Variants in ARHGAP23 observed in about 807,000 individuals in gnomAD.
ARHGAP23 encodes rho GTPase-activating protein 23.
In ARHGAP23, 34 loss-of-function variants were observed where a neutral mutation model predicts 136.3. The observed-to-expected ratio is 0.25, with a 90% CI of 0.19 to 0.33. ARHGAP23 has a LOEUF of 0.33. Among genes scored for constraint, ARHGAP23 ranks in the 10% least tolerant of loss-of-function variants. ARHGAP23 has a pLI of 1.00. For synonymous variants in ARHGAP23, 832 were observed against 920.5 expected (o/e 0.90, Z 1.74); for missense variants, 1,808 against 2,139.0 (o/e 0.85, Z 3.05).
intron 14 of ARHGAP23, 133 bp downstream of exon 14, chr17:38,480,016 G>A: frequency 7.7e-7 from 1 of 1,305,198 alleles, no homozygotes; most frequent in South Asian, 1.4e-5. Context: ...CGGTATGTCT[G>A]TCTGCGTGTG....
intron 23 of ARHGAP23, among the ~76,000 whole-genome samples, chr17:38,508,982 A>C (rs1017608179): frequency 7.1e-6 from 1 of 140,852 alleles, no homozygotes; most frequent in Non-Finnish European, 1.5e-5. Flanking sequence ...CAGAGAAGGC[A>C]AAGGGGCCAA....
chr17:38,484,027 C>A (rs2040106444), intron 16 of ARHGAP23, among the ~76,000 whole-genome samples: 1 of 152,140 alleles, frequency 6.6e-6, no homozygotes, highest in Non-Finnish European at 1.5e-5. Flanking sequence ...CAGTAGGGAG[C>A]TTCTGATGGT....
intron 13 of ARHGAP23, 123 bp downstream of exon 13, chr17:38,479,620 T>C: frequency 7.0e-7 from 1 of 1,419,976 alleles, no homozygotes; most frequent in Non-Finnish European, 9.6e-7. Flanking sequence ...ATCCAGGGTC[T>C]CCAGGCTGCA....
At chr17:38,489,853 T>C in intron 17 of ARHGAP23, 1 of 497,654 alleles carries the variant, frequency 2.0e-6, no homozygotes, top group Non-Finnish European at 3.7e-6. Context: ...GCTCAGATGG[T>C]ATTGCCTCCC....
chr17:38,474,244 C>A (rs865865763), intron 11 of ARHGAP23, among the ~76,000 whole-genome samples: 1 of 152,168 alleles, frequency 6.6e-6, no homozygotes, highest in East Asian at 1.9e-4. Context: ...TAAATGTGGG[C>A]TGGGGATGGC....
Position 38,475,284 on chromosome 17 carries a change from A to G in ARHGAP23, c.2119-2295A>G, listed in dbSNP as rs545972218. On this transcript the variant is annotated intron_variant, in intron 11 of 23. Coordinates refer to ENST00000622683, the MANE Select transcript of ARHGAP23 (RefSeq NM_001199417.2). ...CAGCCCCAGCATGGGAGCTGCATGC[A>G]GCCTTGGTGACCAACTCTCTCACTC... Among the ~76,000 whole-genome samples, 4 of 152,366 alleles carry G rather than the reference A, an allele frequency of 2.6e-5. No homozygotes were observed. The South Asian group carries it at 8.3e-4, about 32-fold the overall frequency.
At chr17:38,492,578 G>T (rs886105285) in intron 20 of ARHGAP23, among the ~76,000 whole-genome samples, 1 of 152,218 alleles carries the variant, frequency 6.6e-6, no homozygotes, top group Non-Finnish European at 1.5e-5. Context: ...CCAAAGGCCA[G>T]ACTCCTGGGT....
upstream of ARHGAP23, among the ~76,000 whole-genome samples, chr17:38,423,617 C>A (rs1011949747): frequency 9.9e-5 from 15 of 152,126 alleles, no homozygotes; most frequent in African/African-American, 3.6e-4. Context: ...AAGTGATCTG[C>A]CCTCCTCAGC....
intron 1 of ARHGAP23, among the ~76,000 whole-genome samples, chr17:38,428,996 G>A (rs1031050208): frequency 8.5e-5 from 13 of 152,282 alleles, no homozygotes; most frequent in Non-Finnish European, 1.8e-4. Flanking sequence ...GGTTCCCGGA[G>A]CGGGACGTCC....
chr17:38,475,790 C>G (rs1029470204), intron 11 of ARHGAP23, among the ~76,000 whole-genome samples: 1 of 152,168 alleles, frequency 6.6e-6, no homozygotes, highest in African/African-American at 2.4e-5. Context: ...GTCCCCAGGA[C>G]AGCCTGAGGC....
rs1011115841 is a variant in ARHGAP23 at position 38,467,183 on chromosome 17, G to A, written c.1500G>A (p.Lys500=). The stretch of plus-strand genomic sequence containing the variant: ...GGCAGAAGCCCCCGACGGGCCGCAA[G>A]GTTCAGCTGACCCCCGCAAGACAGA... The part of the protein sequence containing the change: ...VLRQKPPTGR[K]VQLTPARQMN... The change falls in exon 7 of 24, where the codon AAG becomes AAA. Residue 500 remains lysine, a synonymous_variant. Coordinates refer to ENST00000622683, the MANE Select transcript of ARHGAP23 (RefSeq NM_001199417.2). 86 of 1,550,244 alleles carry A rather than the reference G, an allele frequency of 5.5e-5. No homozygotes were observed. Among genetic ancestry groups the A allele is most frequent in the Admixed American group, 4.5e-4 (23 of 50,954 alleles).
intron 1 of ARHGAP23, among the ~76,000 whole-genome samples, chr17:38,434,460 T>A (rs1005410977): frequency 6.6e-6 from 1 of 152,152 alleles, no homozygotes. Context: ...TCGGCCTGAA[T>A]CCCTGGGAGG....
At chr17:38,433,769 C>CA (rs2038733633) in intron 1 of ARHGAP23, among the ~76,000 whole-genome samples, 1 of 152,132 alleles carries the variant, frequency 6.6e-6, no homozygotes, top group Non-Finnish European at 1.5e-5. Context: ...TCCTGAGAGG[C>CA]TGCCTGGAGG....
rs186286845 is a variant in ARHGAP23, at chr17:38,429,080, G to A, written c.63+532G>A. ...GCCGGGTCGGACTGCGGGACGGGTT[G>A]CCAGGCGCGGTTCCGCCGCCCTCCT... On this transcript the variant is annotated intron_variant, in intron 1 of 23. Coordinates refer to ENST00000622683, the MANE Select transcript of ARHGAP23 (RefSeq NM_001199417.2). Among the ~76,000 whole-genome samples, 10 of 152,352 alleles carry A rather than the reference G, an allele frequency of 6.6e-5. No homozygotes were observed. In the East Asian group the frequency reaches 1.7e-3, roughly 26 times the overall value.
Position 38,469,275 on chromosome 17 carries a change from G to C in ARHGAP23, c.1780G>C (p.Gly594Arg). Residue 594 changes from glycine to arginine, a missense_variant, in exon 8 of 24, where the codon GGA becomes CGA. By Grantham distance (125) the Gly-to-Arg change is moderately radical (BLOSUM62 -2). Transcript: ENST00000622683. ...PSSPTFTFTL[G>R]RHYSQDCSSI... ...TTCCCCGACCTTCACTTTCACCCTC[G>C]GACGCCATTACTCGCAGGACTGCAG... is the stretch of plus-strand genomic sequence containing the variant. 6.4e-7 allele frequency: 1 copy of C among 1,551,282 alleles called. No homozygotes were observed. The highest frequency in any genetic ancestry group is 8.7e-7 in the Non-Finnish European group (1 of 1,146,724).
At chr17:38,470,627 C>T (rs6503646) in intron 10 of ARHGAP23, among the ~76,000 whole-genome samples, 55,525 of 151,818 alleles carry the variant, frequency 0.37, 11,177 homozygotes, top group East Asian at 0.59. Flanking sequence ...ACCTCCACCT[C>T]CTGGGTTCAA....
intron 14 of ARHGAP23, 147 bp downstream of exon 14, chr17:38,480,030 G>C: frequency 1.7e-6 from 2 of 1,207,688 alleles, no homozygotes; most frequent in Non-Finnish European, 2.3e-6. Context: ...GCGTGTGCAT[G>C]CCTGTGAGGG....
chr17:38,477,337 G>C lies in ARHGAP23; in HGVS notation c.2119-242G>C, dbSNP rs1176842384. Among the ~76,000 whole-genome samples the C allele has an allele frequency of 1.3e-5, 2 of 151,418 alleles. No homozygotes were observed. Among genetic ancestry groups the C allele is most frequent in the Non-Finnish European group, 2.9e-5 (2 of 67,862 alleles). On this transcript the variant is annotated intron_variant, in intron 11 of 23. Transcript: ENST00000622683. The surrounding 1 kb of genome is among the most constrained non-coding windows in gnomAD (Gnocchi z 6.6). The stretch of plus-strand genomic sequence containing the variant: ...ATGCTGGTGTTTAGAGGGGGAGAGG[G>C]TTGGGGTCTGCTGGGGGGCTTTAGG...
chr17:38,509,578 G>T (rs891246950), intron 23 of ARHGAP23, among the ~76,000 whole-genome samples: 1 of 152,162 alleles, frequency 6.6e-6, no homozygotes, highest in Admixed American at 6.5e-5. Flanking sequence ...CACCCCAGGG[G>T]CGTGTGTGAA....
Sources: gnomAD v4.1 joint callset for allele counts (sites outside exome capture counted in the v4.1 genomes callset) on GRCh38, gnomAD v4.1.1 for gene constraint, Gnocchi (gnomAD v3.1) non-coding constraint, MANE v1.5 for transcripts, NCBI Gene and HGNC (gene_info 2026-07-23, HGNC 2026-07-21) for gene names.